RBFOX1: variants seen among roughly 807,000 people sequenced by gnomAD.
The protein encoded by RBFOX1 is RNA binding fox-1 homolog 1.
RBFOX1 carries 8 observed loss-of-function variants against 57.7 expected under a neutral mutation model. The observed-to-expected ratio is 0.14, with a 90% CI of 0.08 to 0.25. The LOEUF (loss-of-function observed/expected upper bound fraction) is 0.25. RBFOX1 is among the 10% of genes least tolerant of loss of function. The pLI is 1.00. For synonymous variants in RBFOX1, 326 were observed against 222.4 expected (o/e 1.47, Z -4.15); for missense variants, 611 against 548.5 (o/e 1.11, Z -1.14).
At chr16:6,661,589 C>T (rs146780109) in intron 3 of RBFOX1, among the ~76,000 whole-genome samples, 75 of 152,248 alleles carry the variant, frequency 4.9e-4, no homozygotes, top group Non-Finnish European at 8.2e-4. Flanking sequence ...AAGAACCCAG[C>T]CAAAGTGAAA....
chr16:7,100,780 T>C (rs1405614559), intron 4 of RBFOX1, among the ~76,000 whole-genome samples: 1 of 152,152 alleles, frequency 6.6e-6, no homozygotes, highest in East Asian at 1.9e-4. Flanking sequence ...TAGGACACTG[T>C]GTTCACCCTC....
rs139203974 is a variant in RBFOX1, at chr16:5,649,569, C to A, written c.318+50608C>A. Reference sequence around the variant, plus strand: ...ATAAAACTAAAAACAGAAATCATAGCTAAGCTCATCCCATCGTCTCCCTCT... The same window carrying A: ...ATAAAACTAAAAACAGAAATCATAGATAAGCTCATCCCATCGTCTCCCTCT... On this transcript the variant is annotated intron_variant, in intron 3 of 19. Transcript: ENST00000641259. Among the ~76,000 whole-genome samples, 3 of 152,322 alleles carry A rather than the reference C, an allele frequency of 2.0e-5. No homozygotes were observed. In the East Asian group the frequency reaches 5.8e-4, roughly 29 times the overall value.
At chr16:7,518,023 G>C in intron 4 of RBFOX1, 124 bp from the exon 5 acceptor site, 2 of 1,215,586 alleles carry the variant, frequency 1.6e-6, no homozygotes, top group African/African-American at 3.0e-5. Context: ...TCTCAGGCTG[G>C]TGGCACCATG....
intron 4 of RBFOX1, among the ~76,000 whole-genome samples, chr16:7,269,603 A>G (rs1257001246): frequency 6.6e-6 from 1 of 152,234 alleles, no homozygotes; most frequent in Non-Finnish European, 1.5e-5. Flanking sequence ...TTGGGAAATT[A>G]CATGTAATGA....
intron 4 of RBFOX1, among the ~76,000 whole-genome samples, chr16:5,925,603 A>G (rs1230827327): frequency 1.3e-5 from 2 of 152,328 alleles, no homozygotes; most frequent in Middle Eastern, 3.4e-3. Flanking sequence ...ACTAAATGCC[A>G]CTGAATTGTT....
At chr16:7,111,159 A>G (rs908903474) in intron 4 of RBFOX1, among the ~76,000 whole-genome samples, 1 of 152,206 alleles carries the variant, frequency 6.6e-6, no homozygotes, top group Non-Finnish European at 1.5e-5. Flanking sequence ...GATGATTTCA[A>G]GAAGCAAAAA....
intron 2 of RBFOX1, among the ~76,000 whole-genome samples, chr16:6,453,389 T>A (rs2094683941): frequency 6.6e-6 from 1 of 152,152 alleles, no homozygotes; most frequent in Non-Finnish European, 1.5e-5. Flanking sequence ...TGTGTTAGTT[T>A]GCTGAGAATG....
At chr16:7,181,491 ATTCC>A (rs1174647504) in intron 4 of RBFOX1, among the ~76,000 whole-genome samples, 1 of 150,368 alleles carries the variant, frequency 6.7e-6, no homozygotes, top group Non-Finnish European at 1.5e-5. Flanking sequence ...AATTAACTAA[ATTCC>A]TTCCTTCCTT....
chr16:7,700,177 C>T (rs555712785), intron 14 of RBFOX1, among the ~76,000 whole-genome samples: 6 of 152,128 alleles, frequency 3.9e-5, no homozygotes, highest in South Asian at 4.2e-4. Context: ...GACACATGTA[C>T]CCCTGGGGCT....
intron 2 of RBFOX1, among the ~76,000 whole-genome samples, chr16:5,532,421 C>G (rs2044520466): frequency 6.6e-6 from 1 of 152,194 alleles, no homozygotes; most frequent in South Asian, 2.1e-4. Context: ...GATGCAGAAT[C>G]TCAGGCCCTG....
rs183319507 is a variant in RBFOX1, at chr16:7,380,700, C to A, written c.28-137447C>A. Among the ~76,000 whole-genome samples, 3 of 152,324 alleles carry A rather than the reference C, an allele frequency of 2.0e-5. No homozygotes were observed. The East Asian group carries it at 5.8e-4, about 29-fold the overall frequency. On this transcript the variant is annotated intron_variant, in intron 4 of 15. Coordinates refer to ENST00000550418, the MANE Select transcript of RBFOX1 (RefSeq NM_018723.4). Reference sequence around the variant, plus strand: ...AGGACGATAACCCAGTCGTTTCATACAACTGTTTTCGTTTGCACCTGAATA... The same window carrying A: ...AGGACGATAACCCAGTCGTTTCATAAAACTGTTTTCGTTTGCACCTGAATA...
chr16:6,925,321 C>A (rs184946037), intron 3 of RBFOX1, among the ~76,000 whole-genome samples: 1 of 151,106 alleles, frequency 6.6e-6, no homozygotes, highest in Non-Finnish European at 1.5e-5. Context: ...GATAGGGTTT[C>A]GTCCTGTTGG....
intron 3 of RBFOX1, among the ~76,000 whole-genome samples, chr16:5,764,381 C>T (rs572333957): frequency 3.9e-5 from 6 of 152,326 alleles, no homozygotes; most frequent in Admixed American, 2.0e-4. Context: ...GAGTAGATGC[C>T]AGCACCCAGC....
At chr16:5,818,384 C>G (rs190056604) in intron 3 of RBFOX1, among the ~76,000 whole-genome samples, 1 of 152,274 alleles carries the variant, frequency 6.6e-6, no homozygotes, top group East Asian at 1.9e-4. Flanking sequence ...TGAGGGGATA[C>G]CATTGTGTCC....
At chr16:5,958,369 GTC>G (rs1276725989) in intron 4 of RBFOX1, among the ~76,000 whole-genome samples, 3 of 152,168 alleles carry the variant, frequency 2.0e-5, no homozygotes, top group Admixed American at 2.0e-4. Context: ...TTGCAGTGTT[GTC>G]TGTGCTCTTG....
intron 2 of RBFOX1, among the ~76,000 whole-genome samples, chr16:6,432,616 A>G (rs1228309362): frequency 6.6e-6 from 1 of 151,914 alleles, no homozygotes; most frequent in Non-Finnish European, 1.5e-5. Context: ...CAGGAGGCGG[A>G]GGTTGCAGTG....
At chr16:5,986,783 A>T (rs1447845923) in intron 4 of RBFOX1, among the ~76,000 whole-genome samples, 1 of 152,178 alleles carries the variant, frequency 6.6e-6, no homozygotes, top group Non-Finnish European at 1.5e-5. Context: ...TCACTTGTTG[A>T]AGGACATGTG....
At chr16:6,103,842 G>A (rs937348247) in intron 1 of RBFOX1, among the ~76,000 whole-genome samples, 2 of 152,152 alleles carry the variant, frequency 1.3e-5, no homozygotes, top group Non-Finnish European at 2.9e-5. Context: ...GGATTGGTGA[G>A]GTCCACCCGC....
intron 1 of RBFOX1, among the ~76,000 whole-genome samples, chr16:6,155,640 A>G (rs1391210172): frequency 6.6e-6 from 1 of 152,116 alleles, no homozygotes; most frequent in African/African-American, 2.4e-5. Flanking sequence ...GCAAACCATT[A>G]TGGGCCGACT....
Sources: gnomAD v4.1 joint callset for allele counts (sites outside exome capture counted in the v4.1 genomes callset) on GRCh38, gnomAD v4.1.1 for gene constraint, MANE v1.5 for transcripts, NCBI Gene and HGNC (gene_info 2026-07-23, HGNC 2026-07-21) for gene names.